Variants in KLHL33 observed in about 807,000 individuals in gnomAD.
KLHL33 encodes kelch-like protein 33.
Under a neutral mutation model 60.8 loss-of-function variants are expected in KLHL33, and 46 were observed. The ratio of observed to expected loss-of-function variants is 0.76; its 90% CI spans 0.60 to 0.97. KLHL33 has a LOEUF of 0.97. KLHL33 is among the 50% of genes least tolerant of loss of function. The pLI, the probability that KLHL33 is intolerant of heterozygous loss-of-function variation, is 0.00. For missense variants in KLHL33, 1,055 were observed against 1,000.0 expected, an observed-to-expected ratio of 1.05 and a Z score of -0.74; for synonymous variants, 434 against 432.2, an observed-to-expected ratio of 1.00 and a Z score of -0.05.
chr14:20,431,113 CA>C (rs1266448325), intron 2 of KLHL33, among the ~76,000 whole-genome samples: 2 of 152,238 alleles, frequency 1.3e-5, no homozygotes, highest in South Asian at 2.1e-4. Flanking sequence ...AAGAGGAGCA[CA>C]AAATAAATGG....
chr14:20,430,797 AAGTTTGGCCAAACTCT>A, intron 2 of KLHL33, 78 bp from the exon 3 acceptor site: 3 of 870,958 alleles, frequency 3.4e-6, no homozygotes, highest in Non-Finnish European at 4.7e-6. Flanking sequence ...TTGGTACTCT[AAGTTTGGCCAAACTCT>A]AAGTTTGGCC....
In KLHL33 at chr14:20,435,208, C is replaced by A. The variant is rs958040962; in HGVS notation, c.604G>T (p.Glu202Ter). Residue 202 changes from glutamate (E) to a stop codon, truncating the protein, a stop_gained, in exon 2 of 5, where the codon GAG becomes TAG. Coordinates refer to ENST00000636854, the MANE Select transcript of KLHL33 (RefSeq NM_001365790.2). LOFTEE classifies it high-confidence loss of function. The stretch of plus-strand genomic sequence containing the variant: ...TCTTCCCTGGCATTTCCAGCCCTCT[C>A]GCATGTCTGCTGGGCAGCAGCCTTC... Reference protein sequence around the residue: ...RVKAAAQQTCERAGNAREDVK... With the variant: ...RVKAAAQQTC 8.1e-7 allele frequency: 1 copy of A among 1,234,456 alleles called. No homozygotes were observed. The highest frequency in any genetic ancestry group is 1.0e-6 in the Non-Finnish European group (1 of 988,228). The allele number at this position is 1,234,456 out of a possible 1,614,324, so 76.5% of individuals were successfully genotyped here. A position where few individuals can be genotyped will look rare whatever the true frequency, so the allele number is the denominator to read the frequency against.
chr14:20,434,106 C>T (rs1368489540), intron 2 of KLHL33, among the ~76,000 whole-genome samples: 1 of 152,150 alleles, frequency 6.6e-6, no homozygotes, highest in Non-Finnish European at 1.5e-5. Context: ...ATTGACCTCA[C>T]CAGCTTTCAG....
chr14:20,432,340 T>A (rs1594399309), intron 2 of KLHL33, among the ~76,000 whole-genome samples: 1 of 152,014 alleles, frequency 6.6e-6, no homozygotes, highest in African/African-American at 2.4e-5. Flanking sequence ...CTTGAACTCC[T>A]GGCCTCAAGT....
chr14:20,426,519 A>AGAAAAGAAAAAG lies in KLHL33; in HGVS notation c.*2329_*2330insCTTTTTCTTTTC, dbSNP rs1880276869. 6.6e-6 allele frequency: 1 copy of AGAAAAGAAAAAG among 151,956 alleles called. No individual in the cohort carries two copies. The highest frequency in any genetic ancestry group is 1.9e-4 in the East Asian group (1 of 5,190). The allele number at this position is 151,956 out of a possible 1,614,324, so 9.4% of individuals were successfully genotyped here. On this transcript the variant is annotated 3_prime_UTR_variant, in exon 5 of 5. Coordinates refer to ENST00000636854, the MANE Select transcript of KLHL33 (RefSeq NM_001365790.2). ...CAAAAAAAAAAAAAAAAAAAAGAAA[A>AGAAAAGAAAAAG]AGAAAATTGACAACAGGTGCTGGAG... is the stretch of plus-strand genomic sequence containing the variant.
chr14:20,429,901 G>A lies in KLHL33; in HGVS notation c.1567C>T (p.Pro523Ser). The A allele has an allele frequency of 6.4e-7, 1 of 1,551,786 alleles. No individual in the cohort carries two copies. The highest frequency in any genetic ancestry group is 8.7e-7 in the Non-Finnish European group (1 of 1,147,032). ...EWGQLPALPA[P>S]GRFRHGAASL... ...GCAGCCCCATGCCGGAAGCGTCCGGGGGCAGGCAGGGCAGGCAGCTGCCCC... is the reference window on the plus strand; with the variant it reads ...GCAGCCCCATGCCGGAAGCGTCCGGAGGCAGGCAGGGCAGGCAGCTGCCCC... The change falls in exon 3 of 5, where the codon CCC (proline) becomes TCC (serine). Residue 523 changes from proline to serine, a missense_variant. Physicochemically the swap from Pro to Ser is moderately conservative, Grantham distance 74. Coordinates refer to ENST00000636854, the MANE Select transcript of KLHL33 (RefSeq NM_001365790.2).
At chr14:20,433,208 T>C (rs1427136790) in intron 2 of KLHL33, among the ~76,000 whole-genome samples, 15 of 152,188 alleles carry the variant, frequency 9.9e-5, no homozygotes, top group Admixed American at 9.8e-4. Context: ...AAATATTAGT[T>C]GTTAAATCTG....
At chr14:20,432,935 A>AAAGAAGG (rs1880559201) in intron 2 of KLHL33, among the ~76,000 whole-genome samples, 1 of 146,706 alleles carries the variant, frequency 6.8e-6, no homozygotes, top group African/African-American at 2.6e-5. Context: ...AAAAAGAAAG[A>AAAGAAGG]AAGAAAGAAA....
rs551953678 is a variant in KLHL33 at position 20,428,104 on chromosome 14, G to A, written c.*745C>T. ...CATCTCCTTAAACCTCAGATCATCT[G>A]TTTTTCCACTGTGGGCCTCTCCCTC... On this transcript the variant is annotated 3_prime_UTR_variant, in exon 5 of 5. Transcript: ENST00000636854. The A allele has an allele frequency of 2.6e-5, 4 of 152,388 alleles. No homozygotes were observed. The highest frequency in any genetic ancestry group is 4.4e-5 in the Non-Finnish European group (3 of 68,160). The allele number at this position is 152,388 out of a possible 1,614,324, so 9.4% of individuals were successfully genotyped here.
At chr14:20,431,499 G>A (rs890511396) in intron 2 of KLHL33, among the ~76,000 whole-genome samples, 1 of 117,122 alleles carries the variant, frequency 8.5e-6, no homozygotes, top group Non-Finnish European at 1.9e-5. Flanking sequence ...GGCTGAGGTG[G>A]GTAGGATCAC....
At chr14:20,430,764 A>C (rs1880488269) in intron 2 of KLHL33, 45 bp from the exon 3 acceptor site, 1 of 1,337,302 alleles carries the variant, frequency 7.5e-7, no homozygotes, top group Non-Finnish European at 9.9e-7. Context: ...AAGTATTGCA[A>C]GACCGATAGG....
Position 20,435,660 on chromosome 14 carries a change from G to A in KLHL33, c.152C>T (p.Pro51Leu). The A allele has an allele frequency of 8.1e-7, 1 of 1,234,840 alleles. No individual in the cohort carries two copies. The allele number at this position is 1,234,840 out of a possible 1,614,324, so 76.5% of individuals were successfully genotyped here. Residue 51 changes from proline (P) to leucine (L), a missense_variant, in exon 2 of 5, where the codon CCT becomes CTT. Transcript: ENST00000636854. ...PDEDPRLPSFPLEEPGSRPLV... is the reference protein window; with the variant it reads ...PDEDPRLPSFLLEEPGSRPLV... ...GGGCCTGGAACCAGGCTCCTCCAGA[G>A]GAAAGGAAGGCAATCTGGGATCCTC... is the stretch of plus-strand genomic sequence containing the variant.
Position 20,435,657 on chromosome 14 carries a change from A to G in KLHL33, c.155T>C (p.Leu52Pro), listed in dbSNP as rs1260053023. 1 of 1,234,776 alleles carries G rather than the reference A, an allele frequency of 8.1e-7. No individual in the cohort carries two copies. The highest frequency in any genetic ancestry group is 1.5e-5 in the African/African-American group (1 of 64,620). 76.5% of individuals were successfully genotyped at this position (1,234,776 alleles called of 1,614,324 possible). A position where few individuals can be genotyped will look rare whatever the true frequency, so the allele number is the denominator to read the frequency against. ...DEDPRLPSFPLEEPGSRPLVP... is the reference protein window; with the variant it reads ...DEDPRLPSFPPEEPGSRPLVP... ...CAGGGGCCTGGAACCAGGCTCCTCC[A>G]GAGGAAAGGAAGGCAATCTGGGATC... The change falls in exon 2 of 5, where the codon CTG becomes CCG. Residue 52 changes from leucine (L) to proline (P), a missense_variant. Physicochemically the swap from Leu to Pro is moderately conservative, Grantham distance 98. Transcript: ENST00000636854.
At chr14:20,431,232 A>T (rs1055479780) in intron 2 of KLHL33, among the ~76,000 whole-genome samples, 1 of 152,210 alleles carries the variant, frequency 6.6e-6, no homozygotes, top group Non-Finnish European at 1.5e-5. Flanking sequence ...TTTTGCTGGG[A>T]AAGTGGCACC....
chr14:20,430,366 C>G lies in KLHL33; in HGVS notation c.1102G>C (p.Ala368Pro), dbSNP rs1373404891. The G allele has an allele frequency of 6.4e-7, 1 of 1,551,912 alleles. No individual in the cohort carries two copies. The highest frequency in any genetic ancestry group is 1.2e-5 in the South Asian group (1 of 84,070). ...ARHYLLTHLP[A>P]VALCPAFPSL... Reference sequence around the variant, plus strand: ...GGGAAAGCAGGACACAAGGCTACAGCAGGCAGGTGGGTGAGGAGGTAGTGA... The same window carrying G: ...GGGAAAGCAGGACACAAGGCTACAGGAGGCAGGTGGGTGAGGAGGTAGTGA... The change falls in exon 3 of 5, where the codon GCT (alanine) becomes CCT (proline). Residue 368 changes from alanine (A) to proline (P), a missense_variant. Transcript: ENST00000636854.
At chr14:20,432,927 A>AAAGAAAG (rs1566501774) in intron 2 of KLHL33, among the ~76,000 whole-genome samples, 3 of 20,534 alleles carry the variant, frequency 1.5e-4, no homozygotes, top group Non-Finnish European at 2.9e-4. Flanking sequence ...ATCTCAAAAA[A>AAAGAAAG]AAGAAAGAAA....
chr14:20,428,827 C>G lies in KLHL33; in HGVS notation c.*22G>C. The G allele has an allele frequency of 2.0e-6, 3 of 1,537,530 alleles. No homozygotes were observed. The highest frequency in any genetic ancestry group is 2.6e-6 in the Non-Finnish European group (3 of 1,136,420). Reference sequence around the variant, plus strand: ...AGGCTATTTCTTATGCCCTCCTCTCCCCATACACTGTTGCTCCCTCTTCAC... The same window carrying G: ...AGGCTATTTCTTATGCCCTCCTCTCGCCATACACTGTTGCTCCCTCTTCAC... On this transcript the variant is annotated 3_prime_UTR_variant, in exon 5 of 5. Transcript: ENST00000636854.
Position 20,435,905 on chromosome 14 carries a change from C to A in KLHL33, c.-19-75G>T, listed in dbSNP as rs146000961. ...GAGGCCAGAGCAACCATGTCTCCAG[C>A]CAGTTGAAATGTCAGTCTCTCCCCT... is the stretch of plus-strand genomic sequence containing the variant. On this transcript the variant is annotated intron_variant, in intron 1 of 4. Coordinates refer to ENST00000636854, the MANE Select transcript of KLHL33 (RefSeq NM_001365790.2). 90 of 1,104,256 alleles carry A rather than the reference C, an allele frequency of 8.2e-5. No homozygotes were observed. The East Asian group carries it at 2.9e-3, about 35-fold the overall frequency. 68.4% of individuals were successfully genotyped at this position (1,104,256 alleles called of 1,614,324 possible).
chr14:20,432,209 G>C lies in KLHL33; in HGVS notation c.749-1490C>G, dbSNP rs138579836. 2.2e-3 allele frequency among the ~76,000 whole-genome samples: 335 copies of C among 151,768 alleles called. 1 individual carries two copies. Among genetic ancestry groups the C allele is most frequent in the African/African-American group, 7.8e-3 (323 of 41,332 alleles). On this transcript the variant is annotated intron_variant, in intron 2 of 4. Coordinates refer to ENST00000636854, the MANE Select transcript of KLHL33 (RefSeq NM_001365790.2). ...GGCTCACTGCAACCTCCACCCTCCA[G>C]CTTCATGTGATTCTCGTGCCTCAGC...
Sources: gnomAD v4.1 joint callset for allele counts (sites outside exome capture counted in the v4.1 genomes callset) on GRCh38, gnomAD v4.1.1 for gene constraint, MANE v1.5 for transcripts, NCBI Gene and HGNC (gene_info 2026-07-23, HGNC 2026-07-21) for gene names.